The following CFAP299 variants were observed in gnomAD, a reference collection of about 807,000 sequenced individuals.
The protein encoded by CFAP299 is cilia and flagella associated protein 299.
In CFAP299, 21 loss-of-function variants were observed where a neutral mutation model predicts 27.0. That is an observed-to-expected ratio of 0.78 (90% CI 0.55 to 1.12). The LOEUF (loss-of-function observed/expected upper bound fraction) is 1.12, where lower values mean the gene tolerates loss of function less well. Among genes scored for constraint, CFAP299 ranks in the 50% most tolerant of loss-of-function variants. The probability of loss-of-function intolerance (pLI) is 0.00; values close to 1 mark genes in which losing one functional copy is unlikely to be tolerated. For synonymous variants in CFAP299, 104 were observed against 98.1 expected (o/e 1.06, Z -0.36); for missense variants, 310 against 276.6 (o/e 1.12, Z -0.86).
chr4:80,583,266 C>T (rs1384514701), intron 3 of CFAP299, 83 bp downstream of exon 3: 1 of 691,882 alleles, frequency 1.4e-6, no homozygotes, highest in African/African-American at 1.9e-5. Context: ...AAATATCTTT[C>T]TTAAAGTAAT....
chr4:80,870,805 T>C, intron 4 of CFAP299: 1 of 985,164 alleles, frequency 1.0e-6, no homozygotes, highest in Non-Finnish European at 1.2e-6. Context: ...ATTCAGATCA[T>C]TATTTGATGA....
chr4:80,446,637 A>C (rs185994316), intron 2 of CFAP299, among the ~76,000 whole-genome samples: 2 of 152,214 alleles, frequency 1.3e-5, no homozygotes, highest in East Asian at 3.9e-4. Flanking sequence ...GCTGTCTTCT[A>C]TCCATTACTT....
intron 3 of CFAP299, among the ~76,000 whole-genome samples, chr4:80,619,041 A>G (rs767673417): frequency 2.6e-5 from 4 of 152,114 alleles, no homozygotes; most frequent in African/African-American, 4.8e-5. Flanking sequence ...GTCATTCAGA[A>G]ATTAGAGACA....
chr4:80,437,456 G>A (rs1435283178), intron 2 of CFAP299, among the ~76,000 whole-genome samples: 2 of 152,106 alleles, frequency 1.3e-5, no homozygotes, highest in Non-Finnish European at 2.9e-5. Context: ...CAGCTTTTGC[G>A]CCTATTCTCT....
chr4:80,844,605 G>GT (rs751158825), intron 3 of CFAP299, among the ~76,000 whole-genome samples: 5,387 of 152,002 alleles, frequency 0.035, 197 homozygotes, highest in African/African-American at 0.099. Flanking sequence ...GGGGTTGTTT[G>GT]TTTTTTTCTT....
In CFAP299 at chr4:80,402,773, T is replaced by C. The variant is rs140436370; in HGVS notation, c.242+39889T>C. ...CCTCATATAACAAAATTAGACAATATATAATCTATCTTCAGATTGTAGCCT... is the reference window on the plus strand; with the variant it reads ...CCTCATATAACAAAATTAGACAATACATAATCTATCTTCAGATTGTAGCCT... On this transcript the variant is annotated intron_variant, in intron 2 of 5. Transcript: ENST00000358105. Among the ~76,000 whole-genome samples the C allele has an allele frequency of 2.0e-4, 30 of 152,342 alleles. No individual in the cohort carries two copies. In the East Asian group the frequency reaches 4.8e-3, roughly 24 times the overall value.
At chr4:80,375,702 G>A (rs968285993) in intron 2 of CFAP299, among the ~76,000 whole-genome samples, 1 of 152,242 alleles carries the variant, frequency 6.6e-6, no homozygotes, top group Non-Finnish European at 1.5e-5. Context: ...CATGGGCAAA[G>A]TCTCTTCCAA....
chr4:80,653,664 C>A (rs1740418577), intron 3 of CFAP299, among the ~76,000 whole-genome samples: 1 of 151,988 alleles, frequency 6.6e-6, no homozygotes, highest in South Asian at 2.1e-4. Context: ...CACAAGGACA[C>A]AATGCTTTAT....
chr4:80,741,605 A>G (rs1268131632), intron 3 of CFAP299, among the ~76,000 whole-genome samples: 1 of 152,078 alleles, frequency 6.6e-6, no homozygotes, highest in African/African-American at 2.4e-5. Flanking sequence ...CTTTCTAATC[A>G]GAAGGAAGGA....
At chr4:80,895,423 T>C (rs1734567005) in intron 4 of CFAP299, among the ~76,000 whole-genome samples, 2 of 152,062 alleles carry the variant, frequency 1.3e-5, no homozygotes, top group South Asian at 2.1e-4. Context: ...TAGAATTTGG[T>C]TAATCAACCT....
intron 4 of CFAP299, among the ~76,000 whole-genome samples, chr4:80,913,254 A>C (rs1735570373): frequency 6.6e-6 from 1 of 152,214 alleles, no homozygotes; most frequent in Non-Finnish European, 1.5e-5. Context: ...ATCCCAGCTG[A>C]CAAAGAAGAA....
intron 3 of CFAP299, among the ~76,000 whole-genome samples, chr4:80,860,794 C>T (rs751353424): frequency 1.3e-5 from 2 of 152,088 alleles, no homozygotes; most frequent in African/African-American, 2.4e-5. Flanking sequence ...AGTACCTGGC[C>T]GTGTGAGGTG....
intron 2 of CFAP299, among the ~76,000 whole-genome samples, chr4:80,569,767 A>C (rs533926931): frequency 2.6e-5 from 4 of 152,176 alleles, no homozygotes; most frequent in African/African-American, 9.6e-5. Context: ...TACAAGACTT[A>C]TTAAGAACAA....
At chr4:80,891,701 C>A (rs1578216800) in intron 4 of CFAP299, among the ~76,000 whole-genome samples, 1 of 108,838 alleles carries the variant, frequency 9.2e-6, no homozygotes, top group Non-Finnish European at 1.8e-5. Flanking sequence ...ACCAGCATGG[C>A]ACATGTATAC....
chr4:80,886,814 C>T (rs77683343), intron 4 of CFAP299, among the ~76,000 whole-genome samples: 3,323 of 151,852 alleles, frequency 0.022, 125 homozygotes, highest in East Asian at 0.15. Context: ...GGAGAAAACT[C>T]GAAGAAATTC....
intron 3 of CFAP299, among the ~76,000 whole-genome samples, chr4:80,856,879 T>C (rs1731933828): frequency 1.3e-5 from 2 of 152,058 alleles, no homozygotes; most frequent in South Asian, 2.1e-4. Context: ...ATTGACTTGG[T>C]GATGAGGGCT....
chr4:80,799,515 T>C (rs1728144568), intron 3 of CFAP299, among the ~76,000 whole-genome samples: 1 of 79,862 alleles, frequency 1.3e-5, no homozygotes, highest in Non-Finnish European at 2.1e-5. Flanking sequence ...TAAATGTATA[T>C]TTATATAATA....
intron 3 of CFAP299, among the ~76,000 whole-genome samples, chr4:80,624,057 T>C (rs1738749087): frequency 6.6e-6 from 1 of 152,160 alleles, no homozygotes; most frequent in African/African-American, 2.4e-5. Flanking sequence ...AGTACCTAGT[T>C]CTTCAAATAT....
At chr4:80,611,449 G>T (rs960250141) in intron 3 of CFAP299, among the ~76,000 whole-genome samples, 1 of 151,928 alleles carries the variant, frequency 6.6e-6, no homozygotes, top group African/African-American at 2.4e-5. Context: ...AATCTACAAC[G>T]GCAATCTAAA....
Sources: allele counts gnomAD v4.1 joint callset (sites outside exome capture counted in the v4.1 genomes callset), GRCh38; gene constraint gnomAD v4.1.1; transcripts MANE v1.5; gene names NCBI Gene and HGNC (gene_info 2026-07-23, HGNC 2026-07-21).